The following ADD1 variants were observed in gnomAD, a reference collection of about 807,000 sequenced individuals.
The protein encoded by ADD1 is adducin 1.
ADD1 carries 24 observed loss-of-function variants against 80.5 expected under a neutral mutation model. The observed-to-expected ratio is 0.30, with a 90% CI of 0.22 to 0.42. The LOEUF is 0.42. ADD1 is among the 10% of genes least tolerant of loss of function. The probability of loss-of-function intolerance (pLI) is 1.00; values close to 1 mark genes in which losing one functional copy is unlikely to be tolerated. For synonymous variants in ADD1, 373 were observed against 393.8 expected (o/e 0.95, Z 0.63); for missense variants, 948 against 1,019.0 (o/e 0.93, Z 0.95).
intron 10 of ADD1, among the ~76,000 whole-genome samples, chr4:2,906,611 A>C (rs543248690): frequency 9.8e-5 from 15 of 152,356 alleles, no homozygotes; most frequent in Non-Finnish European, 1.8e-4. Flanking sequence ...TTCTGGAGTG[A>C]CAGAGTCCAT....
intron 9 of ADD1, chr4:2,901,368 G>A (rs868385002): frequency 2.0e-5 from 3 of 152,178 alleles, no homozygotes; most frequent in Non-Finnish European, 2.9e-5. Flanking sequence ...CCTAGAAGGC[G>A]GAGAGGGGGA....
At chr4:2,923,312 T>TG (rs1453420648) in intron 14 of ADD1, among the ~76,000 whole-genome samples, 2 of 152,188 alleles carry the variant, frequency 1.3e-5, no homozygotes, top group African/African-American at 4.8e-5. Flanking sequence ...GCGAAGACCG[T>TG]GGGAAAAGCG....
At chr4:2,880,546 G>A (rs1255351818) in intron 2 of ADD1, among the ~76,000 whole-genome samples, 2 of 124,678 alleles carry the variant, frequency 1.6e-5, no homozygotes, top group Non-Finnish European at 3.1e-5. Flanking sequence ...CGGGATCTCA[G>A]CTCACTGCAA....
intron 13 of ADD1, 145 bp from the exon 14 acceptor site, chr4:2,914,739 G>A (rs1560241488): frequency 1.2e-6 from 1 of 856,926 alleles, no homozygotes; most frequent in Non-Finnish European, 1.8e-6. Flanking sequence ...GCTCAGCCTA[G>A]GCCTCGGGCC....
chr4:2,868,441 C>G (rs1032944058), intron 1 of ADD1, among the ~76,000 whole-genome samples: 42 of 152,184 alleles, frequency 2.8e-4, no homozygotes, highest in African/African-American at 9.9e-4. Flanking sequence ...GTCGGAGCCC[C>G]CAAGTCTGTT....
At chr4:2,925,452 T>G (rs1740806540) in intron 14 of ADD1, among the ~76,000 whole-genome samples, 1 of 152,240 alleles carries the variant, frequency 6.6e-6, no homozygotes, top group Non-Finnish European at 1.5e-5. Flanking sequence ...AGACTTGGAA[T>G]CCTTTTCTAT....
intron 9 of ADD1, 94 bp downstream of exon 9, chr4:2,899,529 C>T (rs749649279): frequency 7.3e-7 from 1 of 1,372,082 alleles, no homozygotes; most frequent in East Asian, 2.3e-5. Flanking sequence ...GTCTTTTATG[C>T]AGTATCTGAA....
chr4:2,886,182 G>A (rs537358147), intron 4 of ADD1, among the ~76,000 whole-genome samples: 1 of 152,274 alleles, frequency 6.6e-6, no homozygotes, highest in African/African-American at 2.4e-5. Flanking sequence ...CAGTGTGTGC[G>A]CTGTTCACGT....
At chr4:2,863,200 C>A (rs1729055540) in intron 1 of ADD1, among the ~76,000 whole-genome samples, 1 of 151,176 alleles carries the variant, frequency 6.6e-6, no homozygotes, top group Admixed American at 6.6e-5. Flanking sequence ...TGCATGCCAC[C>A]ACGCCCAGCT....
At chr4:2,880,678 T>C (rs1293519485) in intron 2 of ADD1, among the ~76,000 whole-genome samples, 3 of 151,948 alleles carry the variant, frequency 2.0e-5, no homozygotes, top group Non-Finnish European at 4.4e-5. Flanking sequence ...GGTTTCACCA[T>C]GTTAGCCAGG....
At chr4:2,859,053 T>A (rs541736035) in intron 1 of ADD1, among the ~76,000 whole-genome samples, 2 of 152,312 alleles carry the variant, frequency 1.3e-5, no homozygotes, top group South Asian at 4.1e-4. Flanking sequence ...GCCCTGCGCC[T>A]CTATGTCTGT....
chr4:2,915,154 A>C, intron 14 of ADD1, 114 bp downstream of exon 14: 1 of 1,176,120 alleles, frequency 8.5e-7, no homozygotes, highest in Non-Finnish European at 1.2e-6. Flanking sequence ...ACATGCATCA[A>C]AGACAAACCA....
At chr4:2,858,220 G>A (rs988040895) in intron 1 of ADD1, among the ~76,000 whole-genome samples, 1 of 152,218 alleles carries the variant, frequency 6.6e-6, no homozygotes. Flanking sequence ...CCTTTTTAAA[G>A]AGATTCAGTC....
At chr4:2,844,593 G>T (rs898175476) in intron 1 of ADD1, 1 of 151,956 alleles carries the variant, frequency 6.6e-6, no homozygotes, top group African/African-American at 2.4e-5. Flanking sequence ...TTTTATTTTC[G>T]TTTTTTGGGA....
At chr4:2,851,249 C>T (rs767892965) in intron 1 of ADD1, among the ~76,000 whole-genome samples, 60 of 152,100 alleles carry the variant, frequency 3.9e-4, no homozygotes, top group African/African-American at 7.5e-4. Flanking sequence ...GATGTGTGGC[C>T]CTGGATCAAA....
At position 2,898,459 on chromosome 4, in the gene ADD1, C is replaced by T. The variant is rs780129873; in HGVS notation, c.912C>T (p.Leu304=). ...TTCTTATTCTCCGGAACCATGGGCT[C>T]GTGTCAGTTGGAGAGAGCGTTGAGG... ...SKVLILRNHG[L]VSVGESVEEA... is the part of the protein sequence containing the mutation. The change falls in exon 8 of 16, where the codon CTC becomes CTT. Residue 304 remains leucine, a synonymous_variant. Coordinates refer to ENST00000683351, the MANE Select transcript of ADD1 (RefSeq NM_001354761.2). 26 of 1,614,086 alleles carry T rather than the reference C, an allele frequency of 1.6e-5. 1 individual carries two copies. The South Asian group carries it at 1.9e-4, about 12-fold the overall frequency.
intron 6 of ADD1, among the ~76,000 whole-genome samples, chr4:2,895,547 C>G (rs2237004): frequency 6.6e-6 from 1 of 151,790 alleles, no homozygotes; most frequent in Admixed American, 6.6e-5. Context: ...TCCAGCTCCC[C>G]GCAGCCAACC....
Position 2,847,085 on chromosome 4 carries a change from G to C in ADD1, c.-21+3061G>C, listed in dbSNP as rs369039326. ...TGAGTGGAGATCGCTCCGTTGCACT[G>C]TAGCCTGGGCGACACGGAGCGAGAC... On this transcript the variant is annotated intron_variant, in intron 1 of 15. Coordinates refer to ENST00000683351, the MANE Select transcript of ADD1 (RefSeq NM_001354761.2). Among the ~76,000 whole-genome samples, 166 of 151,556 alleles carry C rather than the reference G, an allele frequency of 1.1e-3. 1 individual carries two copies. The highest frequency in any genetic ancestry group is 3.6e-3 in the Admixed American group (55 of 15,196).
chr4:2,922,315 G>A (rs535597477), intron 14 of ADD1, among the ~76,000 whole-genome samples: 17 of 152,270 alleles, frequency 1.1e-4, no homozygotes, highest in Middle Eastern at 3.4e-3. Flanking sequence ...TTCAGATGGC[G>A]TTTTCATGTG....
Sources: allele counts gnomAD v4.1 joint callset (sites outside exome capture counted in the v4.1 genomes callset), GRCh38; gene constraint gnomAD v4.1.1; transcripts MANE v1.5; gene names NCBI Gene and HGNC (gene_info 2026-07-23, HGNC 2026-07-21).